Variants in FSTL4 observed in about 807,000 individuals in gnomAD.
FSTL4 encodes the protein follistatin like 4, also known as follistatin-related protein 4.
Under a neutral mutation model 78.2 loss-of-function variants are expected in FSTL4, and 28 were observed. The ratio of observed to expected loss-of-function variants is 0.36; its 90% CI spans 0.27 to 0.49. The LOEUF (loss-of-function observed/expected upper bound fraction) is 0.49, where lower values mean the gene tolerates loss of function less well. FSTL4 is among the 20% of genes least tolerant of loss of function. FSTL4 has a pLI of 0.98. For missense variants in FSTL4, 922 were observed against 1,084.9 expected, an observed-to-expected ratio of 0.85 and a Z score of 2.11; for synonymous variants, 422 against 440.5, an observed-to-expected ratio of 0.96 and a Z score of 0.53.
chr5:133,544,577 C>T (rs537194324), intron 3 of FSTL4, among the ~76,000 whole-genome samples: 1 of 152,298 alleles, frequency 6.6e-6, no homozygotes, highest in African/African-American at 2.4e-5. Context: ...CCCCCGTTTT[C>T]TTCCTGAGGG....
chr5:133,288,102 C>T (rs758171406), intron 6 of FSTL4, among the ~76,000 whole-genome samples: 7 of 152,234 alleles, frequency 4.6e-5, no homozygotes, highest in African/African-American at 9.6e-5. Context: ...AATGATTTAA[C>T]GTAGTGCCTG....
At chr5:133,203,979 T>C (rs958603460) in intron 14 of FSTL4, among the ~76,000 whole-genome samples, 1 of 151,926 alleles carries the variant, frequency 6.6e-6, no homozygotes, top group African/African-American at 2.4e-5. Context: ...TAAAGATAGA[T>C]AACTGTCAAG....
At chr5:133,542,560 G>A (rs542491669) in intron 3 of FSTL4, among the ~76,000 whole-genome samples, 1 of 152,290 alleles carries the variant, frequency 6.6e-6, no homozygotes, top group South Asian at 2.1e-4. Flanking sequence ...GTACCCACTG[G>A]TAAAATATCT....
rs80263626 is a variant in FSTL4 at position 133,541,026 on chromosome 5, C to T, written c.160+26160G>A. ...AAGCTTTCACCAGCAGTCTCAATGC[C>T]TCCTGCCACCAAAACCAAAGTCAGG... On this transcript the variant is annotated intron_variant, in intron 3 of 15. Coordinates refer to ENST00000265342, the MANE Select transcript of FSTL4 (RefSeq NM_015082.2). Among the ~76,000 whole-genome samples the T allele has an allele frequency of 8.3e-3, 1,269 of 152,240 alleles. 20 individuals carry two copies. The highest frequency in any genetic ancestry group is 0.029 in the African/African-American group (1,195 of 41,558).
At chr5:133,729,375 G>A in the FSTL4 span, among the ~76,000 whole-genome samples, 141 of 152,194 alleles carry the variant, frequency 9.3e-4, no homozygotes, top group Non-Finnish European at 1.5e-3. Flanking sequence ...AACTTTATAC[G>A]TCTCTTTCCT....
At chr5:133,744,057 T>C in the FSTL4 span, among the ~76,000 whole-genome samples, 3 of 152,236 alleles carry the variant, frequency 2.0e-5, no homozygotes, top group Admixed American at 6.5e-5. Context: ...CATCATTCAG[T>C]TCCTGGATCA....
At chr5:133,408,580 G>A (rs1756419008) in intron 3 of FSTL4, among the ~76,000 whole-genome samples, 1 of 151,784 alleles carries the variant, frequency 6.6e-6, no homozygotes, top group African/African-American at 2.4e-5. Flanking sequence ...GGTGGAGCGG[G>A]GGCGGGGTGG....
At chr5:133,628,704 G>A in the FSTL4 span, among the ~76,000 whole-genome samples, 2 of 151,840 alleles carry the variant, frequency 1.3e-5, no homozygotes, top group Non-Finnish European at 2.9e-5. Context: ...TAGATAGGCC[G>A]CTAGGCCAGA....
chr5:133,249,551 G>A lies in FSTL4; in HGVS notation c.753C>T (p.Pro251=), dbSNP rs745863811. Residue 251 remains proline (P), a synonymous_variant, in exon 7 of 16, where the codon CCC becomes CCT. Coordinates refer to ENST00000265342, the MANE Select transcript of FSTL4 (RefSeq NM_015082.2). ...CTGTGGTCACACTGACCCTGTCCTC[G>A]GGGGCGAGGCTGAGCTGAACCACTT... ...AFQVVQLSLA[P]EDRVSVTTVT... The A allele has an allele frequency of 1.4e-5, 22 of 1,613,000 alleles. No individual in the cohort carries two copies. Among genetic ancestry groups the A allele is most frequent in the East Asian group, 2.2e-5 (1 of 44,852 alleles).
At chr5:133,551,658 G>T (rs528666521) in intron 3 of FSTL4, among the ~76,000 whole-genome samples, 1 of 152,332 alleles carries the variant, frequency 6.6e-6, no homozygotes, top group African/African-American at 2.4e-5. Context: ...TTCTGGAGGA[G>T]CCAACAGTAT....
chr5:133,664,310 CTTT>C, the FSTL4 span, among the ~76,000 whole-genome samples: 31 of 146,872 alleles, frequency 2.1e-4, no homozygotes, highest in Middle Eastern at 3.6e-3. Context: ...CCTGCTGATT[CTTT>C]TTTTTTTAAA....
intron 4 of FSTL4, among the ~76,000 whole-genome samples, chr5:133,359,070 T>C (rs775252043): frequency 1.3e-5 from 2 of 152,228 alleles, no homozygotes; most frequent in African/African-American, 2.4e-5. Context: ...GGCATTTCTT[T>C]TGCCATTGGC....
At chr5:133,673,830 T>C in the FSTL4 span, among the ~76,000 whole-genome samples, 3 of 152,196 alleles carry the variant, frequency 2.0e-5, no homozygotes, top group African/African-American at 4.8e-5. Context: ...GGGGCTGTAA[T>C]GGAGGGACAA....
intron 3 of FSTL4, among the ~76,000 whole-genome samples, chr5:133,443,633 A>G (rs546413706): frequency 6.6e-6 from 1 of 152,238 alleles, no homozygotes; most frequent in East Asian, 1.9e-4. Context: ...CCTAGTCAAG[A>G]AATCCAGCTC....
At chr5:133,428,005 C>G (rs979762784) in intron 3 of FSTL4, among the ~76,000 whole-genome samples, 1 of 152,210 alleles carries the variant, frequency 6.6e-6, no homozygotes, top group Admixed American at 6.5e-5. Flanking sequence ...AAATCACACT[C>G]TATACCCAGA....
chr5:133,293,500 C>G (rs1357001943), intron 6 of FSTL4, among the ~76,000 whole-genome samples: 2 of 152,198 alleles, frequency 1.3e-5, no homozygotes, highest in African/African-American at 4.8e-5. Flanking sequence ...CATCCATTCC[C>G]TCCTGTGGAC....
intron 4 of FSTL4, among the ~76,000 whole-genome samples, chr5:133,392,779 A>G (rs1237151735): frequency 2.0e-5 from 3 of 152,202 alleles, no homozygotes; most frequent in African/African-American, 7.2e-5. Context: ...GAAGGACAGG[A>G]TGCCAGAAAA....
the FSTL4 span, among the ~76,000 whole-genome samples, chr5:133,688,840 C>T: frequency 6.6e-6 from 1 of 152,174 alleles, no homozygotes; most frequent in Non-Finnish European, 1.5e-5. Flanking sequence ...TTTGTCCCTA[C>T]CACGGGGCCA....
At chr5:133,740,297 A>G in the FSTL4 span, among the ~76,000 whole-genome samples, 1 of 152,236 alleles carries the variant, frequency 6.6e-6, no homozygotes, top group Non-Finnish European at 1.5e-5. Flanking sequence ...TGGGGCAGGC[A>G]TTCTCTCCTA....
Sources: gnomAD v4.1 joint callset for allele counts (sites outside exome capture counted in the v4.1 genomes callset) on GRCh38, gnomAD v4.1.1 for gene constraint, MANE v1.5 for transcripts, NCBI Gene and HGNC (gene_info 2026-07-23, HGNC 2026-07-21) for gene names.